RBFOX3: variants seen among roughly 807,000 people sequenced by gnomAD.
RBFOX3 encodes RNA binding protein fox-1 homolog 3.
Under a neutral mutation model 48.7 loss-of-function variants are expected in RBFOX3, and 17 were observed. The observed-to-expected ratio is 0.35, with a 90% confidence interval of 0.24 to 0.52. RBFOX3 has a LOEUF of 0.52. Ranked by LOEUF, RBFOX3 falls within the 20% of genes least tolerant of loss-of-function variation. RBFOX3 has a pLI of 0.94. For synonymous variants in RBFOX3, 212 were observed against 209.5 expected (o/e 1.01, Z -0.10); for missense variants, 382 against 497.5 (o/e 0.77, Z 2.21).
chr17:79,449,622 A>AAC (rs57480439), intron 2 of RBFOX3, among the ~76,000 whole-genome samples: 1,793 of 144,586 alleles, frequency 0.012, 39 homozygotes, highest in African/African-American at 0.044. Context: ...TGCACACATA[A>AAC]ACACACACAC....
intron 4 of RBFOX3, among the ~76,000 whole-genome samples, chr17:79,146,121 G>A (rs187547942): frequency 4.6e-5 from 7 of 152,280 alleles, no homozygotes; most frequent in Admixed American, 1.3e-4. Flanking sequence ...GATGAAGAGC[G>A]GATATGAATA....
At chr17:79,658,190 G>C in the RBFOX3 span, among the ~76,000 whole-genome samples, 6 of 152,146 alleles carry the variant, frequency 3.9e-5, no homozygotes, top group Admixed American at 1.3e-4. Flanking sequence ...GGATGACTTA[G>C]AAGGAAGCAT....
At chr17:79,189,676 G>C (rs879150666) in intron 4 of RBFOX3, among the ~76,000 whole-genome samples, 1 of 152,202 alleles carries the variant, frequency 6.6e-6, no homozygotes, top group Admixed American at 6.5e-5. Flanking sequence ...GTTCCTAGCT[G>C]ATCTTCCATG....
Position 79,373,165 on chromosome 17 carries a change from C to T in RBFOX3, c.-174-65341G>A, listed in dbSNP as rs575388446. Among the ~76,000 whole-genome samples the T allele has an allele frequency of 3.7e-3, 564 of 152,198 alleles. 5 individuals are homozygous for T. Among genetic ancestry groups the T allele is most frequent in the African/African-American group, 0.012 (489 of 41,530 alleles). ...ACCCCATTTCCATGTGTTACAAATGCACCGGACTCCCCCAGCTGTGGCCCA... is the reference window on the plus strand; with the variant it reads ...ACCCCATTTCCATGTGTTACAAATGTACCGGACTCCCCCAGCTGTGGCCCA... On this transcript the variant is annotated intron_variant, in intron 2 of 14. Transcript: ENST00000693108.
chr17:79,386,582 T>A (rs1480362072), intron 2 of RBFOX3, among the ~76,000 whole-genome samples: 1 of 152,114 alleles, frequency 6.6e-6, no homozygotes, highest in Non-Finnish European at 1.5e-5. Context: ...AGTGTTCTGT[T>A]CTCCACCAGG....
chr17:79,630,954 CGAGGTGGAGGCCACAGTCTCTTCA>C, the RBFOX3 span, among the ~76,000 whole-genome samples: 36 of 152,152 alleles, frequency 2.4e-4, no homozygotes, highest in Non-Finnish European at 3.2e-4. Context: ...CCCCGCCCCA[CGAGGTGGAGGCCACAGTCTCTTCA>C]GAACCTCATG....
At chr17:79,294,609 T>C (rs1253461210) in intron 3 of RBFOX3, among the ~76,000 whole-genome samples, 1 of 152,192 alleles carries the variant, frequency 6.6e-6, no homozygotes, top group Admixed American at 6.5e-5. Flanking sequence ...TAGATACCTT[T>C]GCTTCTTGGA....
At chr17:79,483,161 T>C (rs2079009457) in intron 1 of RBFOX3, among the ~76,000 whole-genome samples, 1 of 152,058 alleles carries the variant, frequency 6.6e-6, no homozygotes, top group Non-Finnish European at 1.5e-5. Flanking sequence ...GCAAGCCAGG[T>C]GAATCTGGCT....
chr17:79,310,739 G>A (rs1391051734), intron 2 of RBFOX3, among the ~76,000 whole-genome samples: 1 of 152,194 alleles, frequency 6.6e-6, no homozygotes, highest in Non-Finnish European at 1.5e-5. Context: ...GTCACCCCCA[G>A]CGCTGCCTCG....
chr17:79,288,858 G>T (rs990006088), intron 3 of RBFOX3, among the ~76,000 whole-genome samples: 3 of 141,958 alleles, frequency 2.1e-5, no homozygotes, highest in African/African-American at 7.5e-5. Flanking sequence ...GGGAGAAGTA[G>T]AGTGTTCTAG....
At chr17:79,332,125 C>T (rs2080407256) in intron 2 of RBFOX3, among the ~76,000 whole-genome samples, 1 of 152,200 alleles carries the variant, frequency 6.6e-6, no homozygotes, top group African/African-American at 2.4e-5. Context: ...CAGCCATGAA[C>T]TAGCCCCTCT....
chr17:79,144,030 C>T (rs1162322386), intron 4 of RBFOX3, among the ~76,000 whole-genome samples: 3 of 152,248 alleles, frequency 2.0e-5, no homozygotes, highest in African/African-American at 7.2e-5. Flanking sequence ...GTGCCCAGCT[C>T]TGCCCGTGAC....
chr17:79,146,083 G>A (rs1166393248), intron 4 of RBFOX3, among the ~76,000 whole-genome samples: 3 of 152,208 alleles, frequency 2.0e-5, no homozygotes, highest in Non-Finnish European at 4.4e-5. Context: ...GATCTGACAG[G>A]AGGTGGAGCT....
chr17:79,236,881 C>T (rs538501068), intron 3 of RBFOX3, among the ~76,000 whole-genome samples: 3 of 152,316 alleles, frequency 2.0e-5, no homozygotes, highest in Middle Eastern at 3.4e-3. Context: ...GTGCTTTAAA[C>T]AAACTTAGAT....
chr17:79,409,479 T>C (rs927820280), intron 2 of RBFOX3, among the ~76,000 whole-genome samples: 11 of 152,238 alleles, frequency 7.2e-5, no homozygotes, highest in African/African-American at 2.7e-4. Flanking sequence ...AGGGTTCCAA[T>C]GTTTCCACAT....
rs553874323 is a variant in RBFOX3, at chr17:79,372,069, A to G, written c.-174-64245T>C. On this transcript the variant is annotated intron_variant, in intron 2 of 14. Transcript: ENST00000693108. The stretch of plus-strand genomic sequence containing the variant: ...CGCAGACGCTTCATTTGGGCCTAGC[A>G]CGGTGAATGCACCCTCTAAACGCCA... Among the ~76,000 whole-genome samples, 169 of 152,156 alleles carry G rather than the reference A, an allele frequency of 1.1e-3. 1 individual carries two copies. The highest frequency in any genetic ancestry group is 3.9e-3 in the African/African-American group (161 of 41,518).
intron 4 of RBFOX3, among the ~76,000 whole-genome samples, chr17:79,123,756 TGGCAGGCAGGC>T (rs1423997028): frequency 6.6e-6 from 1 of 152,136 alleles, no homozygotes; most frequent in African/African-American, 2.4e-5. Flanking sequence ...CTATCGCACC[TGGCAGGCAGGC>T]GGCAGGCAGT....
intron 2 of RBFOX3, among the ~76,000 whole-genome samples, chr17:79,353,903 C>T (rs544454943): frequency 3.3e-5 from 5 of 152,202 alleles, no homozygotes; most frequent in African/African-American, 4.8e-5. Context: ...GTCCCACCCC[C>T]GCGTTACCCA....
chr17:79,269,495 G>GA (rs773213080), intron 3 of RBFOX3, among the ~76,000 whole-genome samples: 2 of 152,090 alleles, frequency 1.3e-5, no homozygotes, highest in Non-Finnish European at 2.9e-5. Context: ...AGAGCTGTGG[G>GA]AAAAAATTCC....
Sources: gnomAD v4.1 joint callset for allele counts (sites outside exome capture counted in the v4.1 genomes callset) on GRCh38, gnomAD v4.1.1 for gene constraint, MANE v1.5 for transcripts, NCBI Gene and HGNC (gene_info 2026-07-23, HGNC 2026-07-21) for gene names.